Variants in USP24 observed in about 807,000 individuals in gnomAD.
USP24 encodes the protein ubiquitin specific peptidase 24, also known as ubiquitin carboxyl-terminal hydrolase 24.
In USP24, 97 loss-of-function variants were observed where a neutral mutation model predicts 361.6. The observed-to-expected ratio is 0.27, with a 90% CI of 0.23 to 0.32. USP24 has a LOEUF of 0.32. Ranked by LOEUF, USP24 falls within the 10% of genes least tolerant of loss-of-function variation. The pLI is 1.00. For missense variants in USP24, 2,353 were observed against 3,165.6 expected (o/e 0.74, Z 6.16); for synonymous variants, 1,098 against 1,124.6 (o/e 0.98, Z 0.47).
chr1:55,193,429 G>C (rs1339825658), intron 1 of USP24, among the ~76,000 whole-genome samples: 1 of 152,164 alleles, frequency 6.6e-6, no homozygotes, highest in Non-Finnish European at 1.5e-5. Context: ...ATAATCCAAA[G>C]GTGATATCTT....
chr1:55,099,733 G>C, intron 45 of USP24, 38 bp downstream of exon 45: 8 of 1,416,588 alleles, frequency 5.6e-6, no homozygotes, highest in Non-Finnish European at 7.8e-6. Flanking sequence ...TATAATTAGA[G>C]TTTGAGGGAG....
At chr1:55,099,701 T>C in intron 45 of USP24, 70 bp downstream of exon 45, 1 of 1,115,406 alleles carries the variant, frequency 9.0e-7, no homozygotes, top group Non-Finnish European at 1.3e-6. Context: ...TAACCCCAAA[T>C]GCTAAGACAC....
intron 38 of USP24, among the ~76,000 whole-genome samples, chr1:55,117,742 C>CAAAAAA (rs58149121): frequency 5.2e-4 from 35 of 66,714 alleles, no homozygotes; most frequent in Admixed American, 6.3e-4. Flanking sequence ...GACTCCGTCT[C>CAAAAAA]AAAAAAAAAA....
chr1:55,158,586 G>A (rs1416313456), intron 10 of USP24, among the ~76,000 whole-genome samples: 2 of 152,184 alleles, frequency 1.3e-5, no homozygotes, highest in African/African-American at 4.8e-5. Flanking sequence ...AAAACCAACT[G>A]TACCCTTAGA....
chr1:55,198,077 C>T (rs1342985312), intron 1 of USP24, among the ~76,000 whole-genome samples: 1 of 152,080 alleles, frequency 6.6e-6, no homozygotes, highest in Non-Finnish European at 1.5e-5. Context: ...AGTCATTCTG[C>T]ACAAATTTTT....
rs1646398659 is a variant in USP24 at position 55,125,413 on chromosome 1, G to T, written c.3867C>A (p.Thr1289=). The change falls in exon 34 of 68, where the codon ACC becomes ACA. Residue 1289 remains threonine, a synonymous_variant. Coordinates refer to ENST00000294383, the MANE Select transcript of USP24 (RefSeq NM_015306.3). ...ACTGTCGGTAGGATGACTTTTCTGG[G>T]GTACCACATAAGGACATCTGTCTGC... ...QTSRQMSLCG[T]PEKSSYRQLS... 6.2e-7 allele frequency: 1 copy of T among 1,613,926 alleles called. No homozygotes were observed. Among genetic ancestry groups the T allele is most frequent in the Non-Finnish European group, 8.5e-7 (1 of 1,179,868 alleles).
Position 55,126,301 on chromosome 1 carries a change from C to T in USP24, c.3636-543G>A, listed in dbSNP as rs79830357. ...GGCTGCTCCTCTGAAAAGCTTTCTC[C>T]TGGGTCTCGCTCCCTTATCTCCTTC... On this transcript the variant is annotated intron_variant, in intron 32 of 67. Coordinates refer to ENST00000294383, the MANE Select transcript of USP24 (RefSeq NM_015306.3). Among the ~76,000 whole-genome samples, 674 of 152,354 alleles carry T rather than the reference C, an allele frequency of 4.4e-3. 2 individuals carry two copies. The highest frequency in any genetic ancestry group is 0.016 in the African/African-American group (652 of 41,578).
chr1:55,102,048 T>C (rs1305017919), intron 42 of USP24, among the ~76,000 whole-genome samples: 1 of 152,144 alleles, frequency 6.6e-6, no homozygotes, highest in Non-Finnish European at 1.5e-5. Flanking sequence ...AACAGAAATG[T>C]GCACGGCCCC....
intron 16 of USP24, 121 bp downstream of exon 16, chr1:55,153,749 G>A (rs1165230): frequency 0.79 from 904,498 of 1,144,788 alleles, 361,103 homozygotes; most frequent in East Asian, 0.95. Flanking sequence ...TAGACATCAA[G>A]TTTAATATGA....
intron 55 of USP24, 39 bp downstream of exon 55, chr1:55,089,588 G>C: frequency 7.2e-7 from 1 of 1,390,094 alleles, no homozygotes; most frequent in Non-Finnish European, 9.9e-7. Context: ...CACTGGAAGA[G>C]ACACAAATTT....
At chr1:55,213,078 CA>C (rs1272610126) in intron 1 of USP24, among the ~76,000 whole-genome samples, 7 of 152,134 alleles carry the variant, frequency 4.6e-5, no homozygotes, top group African/African-American at 1.7e-4. Context: ...TCACATTTCT[CA>C]CATAATGAGG....
chr1:55,097,669 C>A lies in USP24; in HGVS notation c.5644G>T (p.Val1882Leu). 6.3e-7 allele frequency: 1 copy of A among 1,589,230 alleles called. No individual in the cohort carries two copies. Among genetic ancestry groups the A allele is most frequent in the Non-Finnish European group, 8.6e-7 (1 of 1,166,726 alleles). The stretch of plus-strand genomic sequence containing the variant: ...AACCCAAATCTCATTAGGTGAATTA[C>A]CAAGACGCTAGGTAAAGATTTAATA... ...TCIKSLPSVL[V>L]IHLMRFGFDW... The change falls in exon 48 of 68, where the codon GTA becomes TTA. Residue 1882 changes from valine to leucine, a missense_variant. By Grantham distance (32) the Val-to-Leu change is conservative (BLOSUM62 1). Transcript: ENST00000294383.
Position 55,157,545 on chromosome 1 carries a change from A to T in USP24, c.1228-175T>A, listed in dbSNP as rs545784145. On this transcript the variant is annotated intron_variant, in intron 10 of 67. Coordinates refer to ENST00000294383, the MANE Select transcript of USP24 (RefSeq NM_015306.3). ...TTTGTGATGTCCCTTTAAAAAGAAC[A>T]TGGAGGGCCAGGCACGGTGGCTCAC... Among the ~76,000 whole-genome samples the T allele has an allele frequency of 2.4e-4, 37 of 152,322 alleles. No individual in the cohort carries two copies. The South Asian group carries it at 7.7e-3, about 32-fold the overall frequency.
At chr1:55,162,995 G>A (rs1457849233) in intron 7 of USP24, among the ~76,000 whole-genome samples, 1 of 152,072 alleles carries the variant, frequency 6.6e-6, no homozygotes, top group Middle Eastern at 3.4e-3. Flanking sequence ...ATTGGCACAC[G>A]GGCCTTTGAT....
chr1:55,137,424 C>A, intron 28 of USP24, 91 bp downstream of exon 28: 3 of 1,396,916 alleles, frequency 2.1e-6, no homozygotes, highest in East Asian at 2.5e-5. Flanking sequence ...CTAATGAATC[C>A]CAGCATTTGT....
chr1:55,088,863 T>C (rs761090105), intron 55 of USP24, among the ~76,000 whole-genome samples: 3 of 152,184 alleles, frequency 2.0e-5, no homozygotes, highest in Non-Finnish European at 4.4e-5. Flanking sequence ...AAATTTTTCT[T>C]TTTTAAATTT....
At chr1:55,110,509 C>T (rs567252113) in intron 38 of USP24, among the ~76,000 whole-genome samples, 2 of 152,224 alleles carry the variant, frequency 1.3e-5, no homozygotes, top group African/African-American at 2.4e-5. Context: ...TGATTGCATA[C>T]GTAATACACT....
rs757868428 is a variant in USP24, at chr1:55,124,575, T to C, written c.4014A>G (p.Ser1338=). ...CAAGCCGTCCTGCAGCCGCAGCCCA[T>C]GACAATCTCATGAAGCAAGCCACAG... ...TSTVACFMRL[S]WAAAAGRLDL... Residue 1338 remains serine (S), a synonymous_variant, in exon 35 of 68, where the codon TCA becomes TCG. Coordinates refer to ENST00000294383, the MANE Select transcript of USP24 (RefSeq NM_015306.3). 46 of 1,613,842 alleles carry C rather than the reference T, an allele frequency of 2.9e-5. No individual in the cohort carries two copies. Among genetic ancestry groups the C allele is most frequent in the East Asian group, 6.7e-5 (3 of 44,898 alleles).
intron 1 of USP24, among the ~76,000 whole-genome samples, chr1:55,193,317 G>A (rs1285458872): frequency 6.6e-6 from 1 of 152,054 alleles, no homozygotes; most frequent in African/African-American, 2.4e-5. Flanking sequence ...TACAGATTTT[G>A]GTATCCCCAA....
Sources: allele counts gnomAD v4.1 joint callset (sites outside exome capture counted in the v4.1 genomes callset), GRCh38; gene constraint gnomAD v4.1.1; transcripts MANE v1.5; gene names NCBI Gene and HGNC (gene_info 2026-07-23, HGNC 2026-07-21).